Variants in KNDC1 observed in about 807,000 individuals in gnomAD.
KNDC1 encodes the protein kinase non-catalytic C-lobe domain-containing protein 1.
Under a neutral mutation model 172.8 loss-of-function variants are expected in KNDC1, and 106 were observed. The ratio of observed to expected loss-of-function variants is 0.61; its 90% CI spans 0.52 to 0.72. The LOEUF (loss-of-function observed/expected upper bound fraction) is 0.72, where lower values mean the gene tolerates loss of function less well. KNDC1 is among the 30% of genes least tolerant of loss of function. The pLI, the probability that KNDC1 is intolerant of heterozygous loss-of-function variation, is 0.00. For synonymous variants in KNDC1, 1,083 were observed against 1,062.2 expected, an observed-to-expected ratio of 1.02 and a Z score of -0.38; for missense variants, 2,325 against 2,394.5, an observed-to-expected ratio of 0.97 and a Z score of 0.61.
At chr10:133,223,424 A>T (rs1287767037) in intron 29 of KNDC1, among the ~76,000 whole-genome samples, 2 of 14,072 alleles carry the variant, frequency 1.4e-4, no homozygotes, top group African/African-American at 3.7e-4. Context: ...TGTGTGTGTG[A>T]GAGCCCATCC....
Position 133,224,725 on chromosome 10 carries a change from C to G in KNDC1, c.5085C>G (p.Asp1695Glu). 2 of 1,614,102 alleles carry G rather than the reference C, an allele frequency of 1.2e-6. No homozygotes were observed. The highest frequency in any genetic ancestry group is 1.7e-6 in the Non-Finnish European group (2 of 1,180,020). Residue 1695 changes from aspartate (D) to glutamate (E), a missense_variant, in exon 30 of 30, where the codon GAC (aspartate) becomes GAG (glutamate). Coordinates refer to ENST00000304613, the MANE Select transcript of KNDC1 (RefSeq NM_152643.8). This position sits in a 1 kb window ranked among gnomAD's most constrained non-coding sequence, Gnocchi z 5.4. ...AGAACCCTTACACCTTCAGCCCCGACCCCAAGCTCCAGTCGTACCTCAAGC... is the reference window on the plus strand; with the variant it reads ...AGAACCCTTACACCTTCAGCCCCGAGCCCAAGCTCCAGTCGTACCTCAAGC... Reference protein sequence around the residue: ...FQENPYTFSPDPKLQSYLKQR... With the variant: ...FQENPYTFSPEPKLQSYLKQR...
chr10:133,186,105 G>A lies in KNDC1; in HGVS notation c.757G>A (p.Gly253Ser), dbSNP rs1853904384. Residue 253 changes from glycine (G) to serine (S), a missense_variant, in exon 6 of 30, where the codon GGC (glycine) becomes AGC (serine). Gly to Ser is a moderately conservative substitution (Grantham distance 56). Transcript: ENST00000304613. ...AGGCCCGGAGTCTGAGACGAGCCGG[G>A]GCCCCAGAGCCTCCCCAACCAAGGC... ...PEGPESETSR[G>S]PRASPTKALL... 5 of 1,597,730 alleles carry A rather than the reference G, an allele frequency of 3.1e-6. No homozygotes were observed. The highest frequency in any genetic ancestry group is 1.3e-5 in the African/African-American group (1 of 74,744).
Position 133,221,861 on chromosome 10 carries a change from G to C in KNDC1, c.5018+1749G>C. On this transcript the variant is annotated intron_variant, in intron 29 of 29. Coordinates refer to ENST00000304613, the MANE Select transcript of KNDC1 (RefSeq NM_152643.8). ...GGGCTGGGTGCAGCCACTCACGCCT[G>C]TAACCCTAGGTGGGCAGGGCTGGGT... Among the ~76,000 whole-genome samples the C allele has an allele frequency of 3.4e-5, 3 of 87,772 alleles. 1 individual carries two copies. In the South Asian group the frequency reaches 1.8e-3, roughly 53 times the overall value. The allele number at this position is 87,772 out of a possible 152,430, so 57.6% of individuals were successfully genotyped here.
At chr10:133,218,997 G>A (rs375224256) in intron 27 of KNDC1, 34 bp from the exon 28 acceptor site, 14 of 1,613,652 alleles carry the variant, frequency 8.7e-6, no homozygotes, top group East Asian at 6.7e-5. Context: ...GTACCCGCAC[G>A]GCCGCAGGAG....
At chr10:133,212,103 G>A (rs11812225) in intron 23 of KNDC1, among the ~76,000 whole-genome samples, 10,706 of 150,614 alleles carry the variant, frequency 0.071, 1,195 homozygotes, top group African/African-American at 0.24. Context: ...GTGCACATGC[G>A]TGCACACTCA....
chr10:133,203,867 C>G (rs750499455), intron 17 of KNDC1, among the ~76,000 whole-genome samples: 7 of 152,248 alleles, frequency 4.6e-5, no homozygotes, highest in Admixed American at 2.0e-4. Flanking sequence ...GCGCCCCCGA[C>G]GGACATCGAG....
At chr10:133,212,605 G>T in intron 23 of KNDC1, 111 bp from the exon 24 acceptor site, 1 of 856,888 alleles carries the variant, frequency 1.2e-6, no homozygotes, top group Non-Finnish European at 1.8e-6. Flanking sequence ...AGTCTGAGGA[G>T]TACTGGGCTT....
intron 26 of KNDC1, among the ~76,000 whole-genome samples, chr10:133,218,039 C>T (rs982249612): frequency 3.4e-5 from 5 of 149,210 alleles, no homozygotes; most frequent in Admixed American, 6.7e-5. Context: ...CAGCCTGGGC[C>T]ACAGAGCAAG....
intron 10 of KNDC1, among the ~76,000 whole-genome samples, chr10:133,196,821 G>T (rs1187345324): frequency 1.3e-5 from 2 of 152,206 alleles, no homozygotes; most frequent in African/African-American, 4.8e-5. Flanking sequence ...TGTGGCCAAC[G>T]CTGGGTTTGG....
At chr10:133,211,336 T>A (rs1845358095) in intron 21 of KNDC1, 86 bp from the exon 22 acceptor site, 2 of 1,272,432 alleles carry the variant, frequency 1.6e-6, no homozygotes, top group Non-Finnish European at 1.1e-6. Flanking sequence ...CCACCCTGCC[T>A]CTCTGGGAGA....
In KNDC1 at chr10:133,225,815, G is replaced by C. The variant is rs1045331828; in HGVS notation, c.*925G>C. The C allele has an allele frequency of 6.5e-6, 1 of 152,712 alleles. No individual in the cohort carries two copies. Among genetic ancestry groups the C allele is most frequent in the African/African-American group, 2.4e-5 (1 of 41,476 alleles). 9.5% of individuals were successfully genotyped at this position (152,712 alleles called of 1,614,324 possible). On this transcript the variant is annotated 3_prime_UTR_variant, in exon 30 of 30. Coordinates refer to ENST00000304613, the MANE Select transcript of KNDC1 (RefSeq NM_152643.8). ...CTTCGCCAGAGACAGGAAGTGCGCT[G>C]CCTCCACGGCCCCTTGCCCTTGCTC...
chr10:133,200,288 G>A (rs888941205), intron 15 of KNDC1, 87 bp from the exon 16 acceptor site: 12 of 1,001,638 alleles, frequency 1.2e-5, no homozygotes, highest in Admixed American at 3.2e-5. Context: ...CCGCATAGAC[G>A]TGTGGGCCTG....
chr10:133,174,429 CAGAA>C (rs1329552142), intron 3 of KNDC1, among the ~76,000 whole-genome samples: 1 of 140,752 alleles, frequency 7.1e-6, no homozygotes, highest in Admixed American at 7.1e-5. Flanking sequence ...ACTTCCAACA[CAGAA>C]GGAAGGGCGG....
In KNDC1 at chr10:133,198,618, G is replaced by T; in HGVS notation, c.2110G>T (p.Gly704Cys). The change falls in exon 14 of 30, where the codon GGC becomes TGC. Residue 704 changes from glycine (G) to cysteine (C), a missense_variant. Transcript: ENST00000304613. ...ALAQEESEER[G>C]GQREGEGEEK... ...GGCCCAGGAGGAGTCCGAGGAGAGG[G>T]GCGGCCAGAGGGAGGGAGAAGGTGA... is the stretch of plus-strand genomic sequence containing the variant. 1 of 1,602,462 alleles carries T rather than the reference G, an allele frequency of 6.2e-7. No individual in the cohort carries two copies.
chr10:133,182,345 C>T (rs1853743228), intron 3 of KNDC1, among the ~76,000 whole-genome samples: 1 of 152,044 alleles, frequency 6.6e-6, no homozygotes. Context: ...GGTGCATGTC[C>T]ACTCAGCCAG....
Position 133,197,674 on chromosome 10 carries a change from GGT to G in KNDC1, c.1815_1816del (p.Tyr606ProfsTer16). On this transcript the variant is annotated frameshift_variant and splice_region_variant, in exon 12 of 30. Transcript: ENST00000304613. LOFTEE classifies it high-confidence loss of function. ...GCCCAGGGCTGTCACCTCCTCCCCA[GGT>G]GTACCAGGAGGAAGAGACCATCAGC... is the stretch of plus-strand genomic sequence containing the variant. ...LAHLRASICQ[V>X]YQEEETISLQ... 1 of 1,610,772 alleles carries G rather than the reference GGT, an allele frequency of 6.2e-7. No individual in the cohort carries two copies. The highest frequency in any genetic ancestry group is 8.5e-7 in the Non-Finnish European group (1 of 1,177,844).
At position 133,182,861 on chromosome 10, in the gene KNDC1, G is replaced by C. The variant is rs540098380; in HGVS notation, c.361-483G>C. Among the ~76,000 whole-genome samples the C allele has an allele frequency of 1.7e-4, 25 of 150,016 alleles. No individual in the cohort carries two copies. In the South Asian group the frequency reaches 4.5e-3, roughly 27 times the overall value. ...CAGTGTGGGCGCAGGTGGTGTGGGC[G>C]TGGGTGGCATGGGCGCAGGCGGCAA... On this transcript the variant is annotated intron_variant, in intron 3 of 29. Coordinates refer to ENST00000304613, the MANE Select transcript of KNDC1 (RefSeq NM_152643.8).
intron 5 of KNDC1, among the ~76,000 whole-genome samples, chr10:133,184,927 G>T (rs1589748769): frequency 6.6e-6 from 1 of 152,294 alleles, no homozygotes; most frequent in East Asian, 1.9e-4. Flanking sequence ...TTACAGAGCT[G>T]CAGCTGCAGC....
At chr10:133,206,452 G>A (rs941710296) in intron 17 of KNDC1, among the ~76,000 whole-genome samples, 4 of 151,948 alleles carry the variant, frequency 2.6e-5, no homozygotes, top group South Asian at 4.1e-4. Flanking sequence ...GGGAGCAGTC[G>A]GCCCCAAGCT....
Sources: gnomAD v4.1 joint callset for allele counts (sites outside exome capture counted in the v4.1 genomes callset) on GRCh38, gnomAD v4.1.1 for gene constraint, Gnocchi (gnomAD v3.1) non-coding constraint, MANE v1.5 for transcripts, NCBI Gene and HGNC (gene_info 2026-07-23, HGNC 2026-07-21) for gene names.